AP1AR: variants seen among roughly 807,000 people sequenced by gnomAD.
The protein encoded by AP1AR is adaptor related protein complex 1 associated regulatory protein, also known as AP-1 complex-associated regulatory protein.
In AP1AR, 29 loss-of-function variants were observed where a neutral mutation model predicts 46.3. The observed-to-expected ratio is 0.63, with a 90% confidence interval of 0.47 to 0.85. The LOEUF is 0.85. AP1AR is among the 40% of genes least tolerant of loss of function. The pLI is 0.00. For synonymous variants in AP1AR, 122 were observed against 122.9 expected (o/e 0.99, Z 0.05); for missense variants, 357 against 356.3 (o/e 1.00, Z -0.02).
At chr4:112,243,693 T>G (rs1283877981) in intron 1 of AP1AR, among the ~76,000 whole-genome samples, 2 of 152,170 alleles carry the variant, frequency 1.3e-5, no homozygotes, top group Non-Finnish European at 2.9e-5. Context: ...TGATGGGCAT[T>G]TAGATCATTT....
At position 112,232,131 on chromosome 4, in the gene AP1AR, C is replaced by A. The variant is rs900441049; in HGVS notation, c.40C>A (p.Arg14Ser). The change falls in exon 1 of 10, where the codon CGC (arginine) becomes AGC (serine). Residue 14 changes from arginine (R) to serine (S), a missense_variant. Coordinates refer to ENST00000274000, the MANE Select transcript of AP1AR (RefSeq NM_018569.6). Reference protein sequence around the residue: ...CCWTQCFGLLRKEAGRLQRVG... With the variant: ...CCWTQCFGLLSKEAGRLQRVG... ...CTGGACGCAGTGCTTCGGACTGCTT[C>A]GCAAGGAAGCGGGGCGGCTGCAGCG... The A allele has an allele frequency of 4.7e-6, 6 of 1,283,342 alleles. No homozygotes were observed. In the African/African-American group the frequency reaches 7.7e-5, roughly 16 times the overall value. The allele number at this position is 1,283,342 out of a possible 1,614,324, so 79.5% of individuals were successfully genotyped here.
intron 9 of AP1AR, among the ~76,000 whole-genome samples, chr4:112,267,865 T>A (rs564656420): frequency 6.6e-6 from 1 of 152,000 alleles, no homozygotes; most frequent in Non-Finnish European, 1.5e-5. Flanking sequence ...CCATCCATTC[T>A]GTTTTATTTA....
At chr4:112,257,921 C>T (rs4834247) in intron 4 of AP1AR, 124 bp downstream of exon 4, 406,529 of 761,974 alleles carry the variant, frequency 0.53, 114,586 homozygotes, top group African/African-American at 0.83. Flanking sequence ...TCAGAACTTT[C>T]AGATTTTTCT....
chr4:112,256,994 T>C (rs943075413), intron 3 of AP1AR, among the ~76,000 whole-genome samples: 8 of 152,202 alleles, frequency 5.3e-5, no homozygotes, highest in Admixed American at 3.3e-4. Flanking sequence ...TATTATTGAT[T>C]CATTAACTTT....
rs1413327566 is a variant in AP1AR, at chr4:112,265,661, A to T, written c.441-73A>T. The T allele has an allele frequency of 2.7e-6, 3 of 1,106,692 alleles. No homozygotes were observed. In the African/African-American group the frequency reaches 4.8e-5, roughly 18 times the overall value. 68.6% of individuals were successfully genotyped at this position (1,106,692 alleles called of 1,614,324 possible). A position where few individuals can be genotyped will look rare whatever the true frequency, so the allele number is the denominator to read the frequency against. On this transcript the variant is annotated intron_variant, in intron 7 of 9. Coordinates refer to ENST00000274000, the MANE Select transcript of AP1AR (RefSeq NM_018569.6). Reference sequence around the variant, plus strand: ...ACATAGGTCTTCAAGCCACAATGCCATCATTAGCTTATATATTTGTCATAT... The same window carrying T: ...ACATAGGTCTTCAAGCCACAATGCCTTCATTAGCTTATATATTTGTCATAT...
intron 7 of AP1AR, among the ~76,000 whole-genome samples, 150 bp from the exon 8 acceptor site, chr4:112,265,581 TAAG>T (rs946861661): frequency 2.0e-5 from 3 of 151,960 alleles, no homozygotes; most frequent in Non-Finnish European, 1.5e-5. Context: ...TTAAGAAAAT[TAAG>T]AACTATTTTC....
At chr4:112,236,358 A>C (rs544198708) in intron 1 of AP1AR, among the ~76,000 whole-genome samples, 2 of 149,458 alleles carry the variant, frequency 1.3e-5, no homozygotes, top group African/African-American at 2.5e-5. Flanking sequence ...TTGCTCAGCA[A>C]CTTCCATCTG....
At chr4:112,266,999 A>G (rs1207452218) in intron 9 of AP1AR, among the ~76,000 whole-genome samples, 2 of 151,822 alleles carry the variant, frequency 1.3e-5, no homozygotes, top group Admixed American at 6.6e-5. Context: ...AAGGATTACT[A>G]CCCCCTTGTG....
chr4:112,255,958 G>A (rs894093075), intron 3 of AP1AR, among the ~76,000 whole-genome samples: 1 of 152,088 alleles, frequency 6.6e-6, no homozygotes, highest in Admixed American at 6.6e-5. Flanking sequence ...AAATTGGTTC[G>A]ACTAGAAGAA....
At chr4:112,232,297 G>C in intron 1 of AP1AR, 123 bp downstream of exon 1, 1 of 825,384 alleles carries the variant, frequency 1.2e-6, no homozygotes, top group East Asian at 3.4e-5. Context: ...TACACTCACT[G>C]CTTAGCAGAC....
At chr4:112,241,534 G>A (rs1344333472) in intron 1 of AP1AR, among the ~76,000 whole-genome samples, 1 of 152,138 alleles carries the variant, frequency 6.6e-6, no homozygotes, top group East Asian at 1.9e-4. Flanking sequence ...TTCTGGTCAG[G>A]CCCTGAATGG....
chr4:112,236,064 C>T (rs764164061), intron 1 of AP1AR, among the ~76,000 whole-genome samples: 1 of 151,814 alleles, frequency 6.6e-6, no homozygotes, highest in Non-Finnish European at 1.5e-5. Context: ...TTTCAACCAC[C>T]ACTACTTCCA....
chr4:112,267,294 C>G (rs187013362), intron 9 of AP1AR, among the ~76,000 whole-genome samples: 1 of 151,878 alleles, frequency 6.6e-6, no homozygotes, highest in East Asian at 1.9e-4. Context: ...TTTGTGAATC[C>G]TAGATTTTAA....
intron 1 of AP1AR, among the ~76,000 whole-genome samples, chr4:112,236,910 G>A (rs982720717): frequency 3.9e-5 from 6 of 152,100 alleles, no homozygotes; most frequent in African/African-American, 1.2e-4. Flanking sequence ...TTCAAAAAAC[G>A]TGTCATTCAT....
intron 4 of AP1AR, 122 bp from the exon 5 acceptor site, chr4:112,260,644 T>A (rs1726400632): frequency 3.5e-6 from 2 of 572,876 alleles, no homozygotes; most frequent in South Asian, 6.5e-5. Flanking sequence ...TGTAGCAAAT[T>A]GCTTTAACAT....
intron 1 of AP1AR, among the ~76,000 whole-genome samples, chr4:112,233,737 A>G (rs776378911): frequency 2.6e-5 from 4 of 152,192 alleles, no homozygotes; most frequent in Non-Finnish European, 5.9e-5. Flanking sequence ...TTAAAATTGT[A>G]GGTTCTACTC....
intron 1 of AP1AR, among the ~76,000 whole-genome samples, chr4:112,252,171 C>T (rs973047803): frequency 2.0e-5 from 3 of 152,136 alleles, no homozygotes; most frequent in Admixed American, 6.5e-5. Flanking sequence ...CCAAGGAGTG[C>T]AAAGCTGCAA....
In AP1AR at chr4:112,272,288, A is replaced by T. The variant is rs535115099; in HGVS notation, c.*3879A>T. Among the ~76,000 whole-genome samples, 1 of 152,246 alleles carries T rather than the reference A, an allele frequency of 6.6e-6. No homozygotes were observed. Among genetic ancestry groups the T allele is most frequent in the East Asian group, 1.9e-4 (1 of 5,188 alleles). ...AAGACTGTGAGGGCTGGTGACAGGG[A>T]AGGGAAAATCTAACAGGAGACATCT... On this transcript the variant is annotated 3_prime_UTR_variant, in exon 10 of 10. Coordinates refer to ENST00000274000, the MANE Select transcript of AP1AR (RefSeq NM_018569.6).
intron 1 of AP1AR, among the ~76,000 whole-genome samples, chr4:112,248,610 T>C (rs1469050095): frequency 2.0e-5 from 3 of 152,194 alleles, no homozygotes; most frequent in African/African-American, 7.2e-5. Context: ...TATCAATCTC[T>C]TCTCTCTGCT....
Sources: gnomAD v4.1 joint callset for allele counts (sites outside exome capture counted in the v4.1 genomes callset) on GRCh38, gnomAD v4.1.1 for gene constraint, MANE v1.5 for transcripts, NCBI Gene and HGNC (gene_info 2026-07-23, HGNC 2026-07-21) for gene names.